The following PALLD variants were observed in gnomAD, a reference collection of about 807,000 sequenced individuals.
PALLD encodes the protein palladin.
PALLD carries 61 observed loss-of-function variants against 123.5 expected under a neutral mutation model. The observed-to-expected ratio is 0.49, with a 90% CI of 0.40 to 0.61. The LOEUF is 0.61. Ranked by LOEUF, PALLD falls within the 20% of genes least tolerant of loss-of-function variation. The probability of loss-of-function intolerance (pLI) is 0.00; values close to 1 mark genes in which losing one functional copy is unlikely to be tolerated. For missense variants in PALLD, 1,273 were observed against 1,377.0 expected, an observed-to-expected ratio of 0.92 and a Z score of 1.20; for synonymous variants, 465 against 496.4, an observed-to-expected ratio of 0.94 and a Z score of 0.84.
intron 10 of PALLD, among the ~76,000 whole-genome samples, chr4:168,820,108 T>C (rs1313961516): frequency 1.3e-5 from 2 of 152,276 alleles, no homozygotes; most frequent in Non-Finnish European, 2.9e-5. Context: ...CAATTTATAG[T>C]CTTGTCTTAG....
chr4:168,501,174 A>G (rs1017171325), intron 1 of PALLD, among the ~76,000 whole-genome samples: 1 of 152,210 alleles, frequency 6.6e-6, no homozygotes, highest in Non-Finnish European at 1.5e-5. Flanking sequence ...GCAACTCAGG[A>G]GCCTGAGGCA....
intron 2 of PALLD, among the ~76,000 whole-genome samples, chr4:168,582,611 C>T (rs892695017): frequency 1.1e-4 from 16 of 152,082 alleles, no homozygotes; most frequent in Non-Finnish European, 2.1e-4. Context: ...TCTTTGATAC[C>T]TATCTCGTTG....
intron 10 of PALLD, among the ~76,000 whole-genome samples, chr4:168,871,187 A>G (rs1437678656): frequency 6.6e-6 from 1 of 152,240 alleles, no homozygotes; most frequent in East Asian, 1.9e-4. Flanking sequence ...CCCAGCAAGC[A>G]TAAGCTATGA....
intron 15 of PALLD, among the ~76,000 whole-genome samples, chr4:168,906,637 CATTT>C (rs750667734): frequency 5.9e-5 from 9 of 152,072 alleles, no homozygotes; most frequent in Non-Finnish European, 5.9e-5. Context: ...TTTGTTTATT[CATTT>C]AGAGACAAGG....
intron 10 of PALLD, among the ~76,000 whole-genome samples, chr4:168,851,363 G>GT (rs776454491): frequency 1.3e-5 from 2 of 152,102 alleles, no homozygotes; most frequent in Non-Finnish European, 2.9e-5. Context: ...TTCCAAACCT[G>GT]TTTTTTGTTT....
At chr4:168,756,032 G>A (rs556646710) in intron 10 of PALLD, 1 of 171,082 alleles carries the variant, frequency 5.8e-6, no homozygotes, top group South Asian at 1.3e-4. Context: ...GCTATCTGTA[G>A]TCATGCACAG....
chr4:168,645,227 G>A (rs1561342648), intron 2 of PALLD, among the ~76,000 whole-genome samples: 1 of 152,008 alleles, frequency 6.6e-6, no homozygotes, highest in Non-Finnish European at 1.5e-5. Context: ...GAAGGCAATA[G>A]TACCCAGCTC....
At chr4:168,818,292 T>C (rs1238211123) in intron 10 of PALLD, among the ~76,000 whole-genome samples, 1 of 151,578 alleles carries the variant, frequency 6.6e-6, no homozygotes, top group Admixed American at 6.6e-5. Context: ...AATTTAACAA[T>C]AGATGTCAAG....
chr4:168,520,788 C>T (rs566658456), intron 2 of PALLD, among the ~76,000 whole-genome samples: 3 of 152,186 alleles, frequency 2.0e-5, no homozygotes, highest in Admixed American at 6.5e-5. Context: ...CCCATTCCAG[C>T]TGTATAAATG....
chr4:168,639,088 A>T (rs374661320), intron 2 of PALLD, among the ~76,000 whole-genome samples: 22 of 152,190 alleles, frequency 1.4e-4, no homozygotes, highest in East Asian at 1.2e-3. Flanking sequence ...AGCCTAGATC[A>T]AATGCCAATT....
At chr4:168,668,422 C>G in intron 3 of PALLD, 54 bp downstream of exon 3, 1 of 1,422,568 alleles carries the variant, frequency 7.0e-7, no homozygotes, top group East Asian at 2.3e-5. Flanking sequence ...GGTCTAATGA[C>G]TCCAGTATCT....
Position 168,816,739 on chromosome 4 carries a change from A to C in PALLD, c.1965-74183A>C, listed in dbSNP as rs574581777. Among the ~76,000 whole-genome samples, 129 of 152,068 alleles carry C rather than the reference A, an allele frequency of 8.5e-4. 1 individual carries two copies. The East Asian group carries it at 0.01, about 12-fold the overall frequency. On this transcript the variant is annotated intron_variant, in intron 10 of 21. Transcript: ENST00000505667. ...TTATGGTTTCCAAAAGGTACTCCTT[A>C]AATGGGCATAACTGATGGGGGATTG...
chr4:168,693,692 A>T (rs760878399), intron 8 of PALLD, among the ~76,000 whole-genome samples: 1 of 152,196 alleles, frequency 6.6e-6, no homozygotes, highest in Non-Finnish European at 1.5e-5. Context: ...AAAAAATATT[A>T]TATAGTCAGG....
intron 10 of PALLD, among the ~76,000 whole-genome samples, chr4:168,791,892 A>G (rs1938809509): frequency 6.6e-6 from 1 of 151,864 alleles, no homozygotes; most frequent in African/African-American, 2.4e-5. Flanking sequence ...TTTATAACAT[A>G]AAATCTTCTA....
At chr4:168,754,004 G>C (rs1188219134) in intron 10 of PALLD, among the ~76,000 whole-genome samples, 1 of 152,186 alleles carries the variant, frequency 6.6e-6, no homozygotes, top group African/African-American at 2.4e-5. Context: ...GTATGCAATA[G>C]TATACAATAA....
intron 12 of PALLD, among the ~76,000 whole-genome samples, chr4:168,895,151 A>G (rs1278405927): frequency 6.6e-6 from 1 of 152,166 alleles, no homozygotes; most frequent in Non-Finnish European, 1.5e-5. Context: ...TGGGAGGCTG[A>G]GGTGGGTGGA....
chr4:168,600,380 A>C (rs1772519391), intron 2 of PALLD, among the ~76,000 whole-genome samples: 1 of 152,180 alleles, frequency 6.6e-6, no homozygotes, highest in South Asian at 2.1e-4. Flanking sequence ...TTTTAAGCAA[A>C]ATGTTTTACT....
chr4:168,775,920 T>C (rs1415859677), intron 10 of PALLD, among the ~76,000 whole-genome samples: 1 of 152,204 alleles, frequency 6.6e-6, no homozygotes, highest in Non-Finnish European at 1.5e-5. Context: ...ACTGTACTGT[T>C]TTGAGTACTG....
chr4:168,816,485 A>G (rs546244018), intron 10 of PALLD, among the ~76,000 whole-genome samples: 30 of 151,434 alleles, frequency 2.0e-4, no homozygotes, highest in Non-Finnish European at 4.3e-4. Flanking sequence ...CTAACCAGAT[A>G]GTGAACTCTG....
Sources: gnomAD v4.1 joint callset for allele counts (sites outside exome capture counted in the v4.1 genomes callset) on GRCh38, gnomAD v4.1.1 for gene constraint, MANE v1.5 for transcripts, NCBI Gene and HGNC (gene_info 2026-07-23, HGNC 2026-07-21) for gene names.